RAB30: variants seen among roughly 807,000 people sequenced by gnomAD.
The protein encoded by RAB30 is ras-related protein Rab-30.
RAB30 carries 9 observed loss-of-function variants against 25.1 expected under a neutral mutation model. That is an observed-to-expected ratio of 0.36 (90% CI 0.22 to 0.63). The LOEUF is 0.63. RAB30 is among the 20% of genes least tolerant of loss of function. The pLI, the probability that RAB30 is intolerant of heterozygous loss-of-function variation, is 0.69. For synonymous variants in RAB30, 77 were observed against 86.4 expected (o/e 0.89, Z 0.60); for missense variants, 140 against 243.5 (o/e 0.58, Z 2.83).
intron 1 of RAB30, among the ~76,000 whole-genome samples, chr11:83,030,219 A>G (rs903777762): frequency 6.6e-6 from 1 of 152,054 alleles, no homozygotes; most frequent in Non-Finnish European, 1.5e-5. Flanking sequence ...TTTCAATGCC[A>G]GGTGTGGTGG....
chr11:83,010,169 G>A (rs935014369), intron 1 of RAB30, among the ~76,000 whole-genome samples: 1 of 152,202 alleles, frequency 6.6e-6, no homozygotes, highest in Non-Finnish European at 1.5e-5. Flanking sequence ...TAAATACTTG[G>A]ACTGGGCGTG....
At chr11:83,066,753 T>C (rs906407003) in intron 1 of RAB30, among the ~76,000 whole-genome samples, 5 of 152,196 alleles carry the variant, frequency 3.3e-5, no homozygotes, top group Non-Finnish European at 7.3e-5. Flanking sequence ...GGTTTCACCA[T>C]GTTGGCCACG....
rs1856571966 is a variant in RAB30, at chr11:82,977,896, A to G, written c.*4269T>C. 6.6e-6 allele frequency: 1 copy of G among 152,176 alleles called. No individual in the cohort carries two copies. The highest frequency in any genetic ancestry group is 1.5e-5 in the Non-Finnish European group (1 of 68,038). 9.4% of individuals were successfully genotyped at this position (152,176 alleles called of 1,614,324 possible). ...TTAATATGTGTTTTGAAGGGATGATAATTTCTTAATTCAGTATGAAAAAAT... is the reference window on the plus strand; with the variant it reads ...TTAATATGTGTTTTGAAGGGATGATGATTTCTTAATTCAGTATGAAAAAAT... On this transcript the variant is annotated 3_prime_UTR_variant, in exon 5 of 5. Transcript: ENST00000527633.
At chr11:83,051,074 T>A (rs1168917045) in intron 1 of RAB30, among the ~76,000 whole-genome samples, 1 of 152,164 alleles carries the variant, frequency 6.6e-6, no homozygotes, top group East Asian at 1.9e-4. Context: ...CAAACTAAAT[T>A]ATAATCAATA....
At chr11:83,050,905 C>T (rs1418145112) in intron 1 of RAB30, among the ~76,000 whole-genome samples, 1 of 152,158 alleles carries the variant, frequency 6.6e-6, no homozygotes, top group Non-Finnish European at 1.5e-5. Context: ...CATCACTGTA[C>T]TGCAGCCTGG....
chr11:83,022,335 T>C (rs572843987), intron 1 of RAB30, among the ~76,000 whole-genome samples: 38 of 152,270 alleles, frequency 2.5e-4, no homozygotes, highest in Non-Finnish European at 4.7e-4. Context: ...AATTTTTAAA[T>C]TTTTCTGGAG....
chr11:83,014,680 AAGAAAGAAAGAAAG>A (rs1275375070), intron 1 of RAB30, among the ~76,000 whole-genome samples: 122 of 143,790 alleles, frequency 8.5e-4, no homozygotes, highest in Admixed American at 1.4e-3. Flanking sequence ...GAAAGAAAGA[AAGAAAGAAAGAAAG>A]AGAAAGGAAG....
At chr11:82,996,972 G>A (rs1457375567) in intron 2 of RAB30, among the ~76,000 whole-genome samples, 2 of 152,168 alleles carry the variant, frequency 1.3e-5, no homozygotes, top group Non-Finnish European at 2.9e-5. Context: ...ACTTGCCTTT[G>A]TCATTAAAGG....
At chr11:82,997,766 C>A (rs7947703) in intron 1 of RAB30, among the ~76,000 whole-genome samples, 2 of 152,112 alleles carry the variant, frequency 1.3e-5, no homozygotes, top group Non-Finnish European at 2.9e-5. Flanking sequence ...TAGTGATGCG[C>A]AGACTGAATG....
At chr11:83,033,281 G>C (rs951684320) in intron 1 of RAB30, among the ~76,000 whole-genome samples, 1 of 151,956 alleles carries the variant, frequency 6.6e-6, no homozygotes, top group Non-Finnish European at 1.5e-5. Flanking sequence ...GGTCAGGCTG[G>C]TCTCGAACTC....
intron 1 of RAB30, among the ~76,000 whole-genome samples, chr11:83,066,705 T>C (rs1354966598): frequency 1.3e-5 from 2 of 152,072 alleles, no homozygotes; most frequent in Non-Finnish European, 2.9e-5. Flanking sequence ...CATGCACCAC[T>C]ACACCCCCGC....
At chr11:83,021,008 A>T (rs1482695655) in intron 1 of RAB30, among the ~76,000 whole-genome samples, 1 of 152,060 alleles carries the variant, frequency 6.6e-6, no homozygotes, top group Non-Finnish European at 1.5e-5. Context: ...CTCTGCTGAG[A>T]ACTGAACACT....
intron 1 of RAB30, among the ~76,000 whole-genome samples, chr11:83,011,792 TGTGTTCTGCTTGTTTTCCCTGC>T (rs1314853796): frequency 1.1e-4 from 16 of 152,186 alleles, no homozygotes; most frequent in African/African-American, 3.6e-4. Context: ...CAGCAGCTGC[TGTGTTCTGCTTGTTTTCCCTGC>T]CTTCTTCCTG....
In RAB30 at chr11:82,978,168, T is replaced by C. The variant is rs1856576841; in HGVS notation, c.*3997A>G. ...TCATAGTATAAACATGTCAGGACCATGGTTGAGAAAAGTAACCAGTTGCAG... is the reference window on the plus strand; with the variant it reads ...TCATAGTATAAACATGTCAGGACCACGGTTGAGAAAAGTAACCAGTTGCAG... On this transcript the variant is annotated 3_prime_UTR_variant, in exon 5 of 5. Coordinates refer to ENST00000527633, the MANE Select transcript of RAB30 (RefSeq NM_001286060.2). 1.3e-5 allele frequency: 2 copies of C among 152,088 alleles called. No homozygotes were observed. The highest frequency in any genetic ancestry group is 6.6e-5 in the Admixed American group (1 of 15,254). The allele number at this position is 152,088 out of a possible 1,614,324, so 9.4% of individuals were successfully genotyped here.
At chr11:82,996,606 AAAAGGGCAGTCCC>A (rs770328346) in intron 2 of RAB30, among the ~76,000 whole-genome samples, 12 of 152,236 alleles carry the variant, frequency 7.9e-5, no homozygotes, top group South Asian at 2.1e-4. Context: ...AGTGATTCTC[AAAAGGGCAGTCCC>A]AAAGGGAACC....
Position 82,978,851 on chromosome 11 carries a change from T to G in RAB30, c.*3314A>C, listed in dbSNP as rs550483413. 1.3e-5 allele frequency: 2 copies of G among 152,230 alleles called. No individual in the cohort carries two copies. The highest frequency in any genetic ancestry group is 2.9e-5 in the Non-Finnish European group (2 of 68,040). 9.4% of individuals were successfully genotyped at this position (152,230 alleles called of 1,614,324 possible). A position where few individuals can be genotyped will look rare whatever the true frequency, so the allele number is the denominator to read the frequency against. ...AAATATCTTATTTTGGCCAATCGTT[T>G]CTACCTTCCTTATAAACTCTAAATC... On this transcript the variant is annotated 3_prime_UTR_variant, in exon 5 of 5. Coordinates refer to ENST00000527633, the MANE Select transcript of RAB30 (RefSeq NM_001286060.2).
chr11:82,995,983 T>C (rs1045710642), intron 2 of RAB30, among the ~76,000 whole-genome samples: 3 of 152,228 alleles, frequency 2.0e-5, no homozygotes, highest in Non-Finnish European at 4.4e-5. Context: ...CTCTGCAGTC[T>C]TATCCTTTTG....
At chr11:82,994,812 T>C (rs1856926095) in intron 2 of RAB30, among the ~76,000 whole-genome samples, 1 of 152,108 alleles carries the variant, frequency 6.6e-6, no homozygotes, top group African/African-American at 2.4e-5. Context: ...GAAAATTAAG[T>C]CATCAAGGAG....
rs763361745 is a variant in RAB30, at chr11:82,982,262, C to G, written c.515G>C (p.Ser172Thr). 7.4e-6 allele frequency: 12 copies of G among 1,614,136 alleles called. No homozygotes were observed. The South Asian group carries it at 8.8e-5, about 12-fold the overall frequency. ...CACAAGTGTGTTCTGTCTGGCTTCA[C>G]TGATGAGTCGGCATGCTAAGTCAAG... ...LFLDLACRLI[S>T]EARQNTLVNN... is the part of the protein sequence containing the mutation. Residue 172 changes from serine (S) to threonine (T), a missense_variant, in exon 5 of 5, where the codon AGT becomes ACT. Ser to Thr is a moderately conservative substitution (Grantham distance 58). Coordinates refer to ENST00000527633, the MANE Select transcript of RAB30 (RefSeq NM_001286060.2).
Sources: allele counts gnomAD v4.1 joint callset (sites outside exome capture counted in the v4.1 genomes callset), GRCh38; gene constraint gnomAD v4.1.1; transcripts MANE v1.5; gene names NCBI Gene and HGNC (gene_info 2026-07-23, HGNC 2026-07-21).